The following PDE10A variants were observed in gnomAD, a reference collection of about 807,000 sequenced individuals.
PDE10A encodes the protein phosphodiesterase 10A, also known as cAMP and cAMP-inhibited cGMP 3',5'-cyclic phosphodiesterase 10A.
In PDE10A, 39 loss-of-function variants were observed where a neutral mutation model predicts 97.7. The ratio of observed to expected loss-of-function variants is 0.40; its 90% CI spans 0.31 to 0.52. The LOEUF is 0.52. Among genes scored for constraint, PDE10A ranks in the 20% least tolerant of loss-of-function variants. The pLI is 0.56. For synonymous variants in PDE10A, 371 were observed against 376.8 expected (o/e 0.98, Z 0.18); for missense variants, 731 against 1,047.8 (o/e 0.70, Z 4.17).
intron 7 of PDE10A, among the ~76,000 whole-genome samples, chr6:165,431,777 C>A (rs1789595497): frequency 6.6e-6 from 1 of 151,606 alleles, no homozygotes; most frequent in Non-Finnish European, 1.5e-5. Flanking sequence ...TTTATATTTT[C>A]CCCATCTATT....
At chr6:165,439,733 C>A (rs1179993013) in intron 5 of PDE10A, among the ~76,000 whole-genome samples, 1 of 152,054 alleles carries the variant, frequency 6.6e-6, no homozygotes, top group African/African-American at 2.4e-5. Flanking sequence ...ATTGGGCGCA[C>A]AAGTCATAAT....
At chr6:165,684,590 C>T (rs190038500) in intron 1 of PDE10A, among the ~76,000 whole-genome samples, 70 of 152,296 alleles carry the variant, frequency 4.6e-4, no homozygotes, top group Non-Finnish European at 6.9e-4. Flanking sequence ...ACACGGTGGC[C>T]GAGGCGCTGA....
intron 1 of PDE10A, among the ~76,000 whole-genome samples, chr6:165,628,222 T>TTCAATTCTTAA (rs1459878670): frequency 1.3e-5 from 2 of 152,238 alleles, no homozygotes; most frequent in Non-Finnish European, 2.9e-5. Context: ...TTTTCTTAAA[T>TTCAATTCTTAA]ATTCAATGGA....
At chr6:165,900,031 G>A (rs780098372) in intron 1 of PDE10A, among the ~76,000 whole-genome samples, 2 of 152,192 alleles carry the variant, frequency 1.3e-5, no homozygotes, top group Non-Finnish European at 2.9e-5. Context: ...ATGAGGCCAC[G>A]GGAGGCAAGC....
chr6:165,867,242 A>C (rs1781082293), intron 1 of PDE10A, among the ~76,000 whole-genome samples: 1 of 151,600 alleles, frequency 6.6e-6, no homozygotes, highest in Admixed American at 6.6e-5. Context: ...AAAAAAAAAA[A>C]AACCATGAGA....
At chr6:165,968,477 C>A (rs1784577255) in intron 1 of PDE10A, among the ~76,000 whole-genome samples, 1 of 152,112 alleles carries the variant, frequency 6.6e-6, no homozygotes, top group Non-Finnish European at 1.5e-5. Context: ...AGAAAATGGG[C>A]CAAACATTTT....
chr6:165,671,171 G>A lies in PDE10A; in HGVS notation c.-614-127603C>T, dbSNP rs1428346113. ...TTTTTAAGAATCAACAACAAATGATGCTTGCTACAAATTCCCAAAGTCTAC... is the reference window on the plus strand; with the variant it reads ...TTTTTAAGAATCAACAACAAATGATACTTGCTACAAATTCCCAAAGTCTAC... On this transcript the variant is annotated intron_variant, in intron 1 of 19. Transcript: ENST00000366882. The surrounding 1 kb of genome is among the most constrained non-coding windows in gnomAD (Gnocchi z 4.6). Among the ~76,000 whole-genome samples the A allele has an allele frequency of 6.6e-6, 1 of 151,590 alleles. No homozygotes were observed. The highest frequency in any genetic ancestry group is 1.9e-4 in the East Asian group (1 of 5,174).
At chr6:165,902,181 G>A (rs1017376588) in intron 1 of PDE10A, among the ~76,000 whole-genome samples, 5 of 152,116 alleles carry the variant, frequency 3.3e-5, no homozygotes, top group Admixed American at 1.3e-4. Context: ...TGGTCTTCTC[G>A]GAATCTTTGT....
At chr6:165,611,339 T>C (rs971077343) in intron 1 of PDE10A, among the ~76,000 whole-genome samples, 4 of 152,244 alleles carry the variant, frequency 2.6e-5, no homozygotes, top group African/African-American at 7.2e-5. Flanking sequence ...TGAAAACATG[T>C]CCTCCCCTGC....
chr6:165,666,627 G>A (rs1790503202), upstream of PDE10A, among the ~76,000 whole-genome samples: 1 of 152,010 alleles, frequency 6.6e-6, no homozygotes, highest in Non-Finnish European at 1.5e-5. Flanking sequence ...CAGCTTCCAG[G>A]CATTTATTCA....
At chr6:165,853,672 G>T (rs1780634638) in intron 1 of PDE10A, among the ~76,000 whole-genome samples, 1 of 152,142 alleles carries the variant, frequency 6.6e-6, no homozygotes, top group East Asian at 1.9e-4. Flanking sequence ...TTTAACAGGT[G>T]ATAGAACATA....
Position 165,663,050 on chromosome 6 carries a change from C to G in PDE10A, c.-239G>C, listed in dbSNP as rs1053110061. Among the ~76,000 whole-genome samples the G allele has an allele frequency of 2.0e-5, 3 of 151,312 alleles. No individual in the cohort carries two copies. The highest frequency in any genetic ancestry group is 2.1e-4 in the South Asian group (1 of 4,820). On this transcript the variant is annotated 5_prime_UTR_variant, in exon 1 of 22. Transcript: ENST00000539869. ...GCCCCGGCGACGGCGCCTGGCTACC[C>G]TCAGGCGCGCACAATCGGCGTCCTC...
intron 2 of PDE10A, among the ~76,000 whole-genome samples, chr6:165,501,722 A>G (rs866430302): frequency 6.6e-6 from 1 of 152,236 alleles, no homozygotes; most frequent in Non-Finnish European, 1.5e-5. Flanking sequence ...ATTGTTACCA[A>G]TTTTCCCCAA....
chr6:165,473,386 A>G (rs1186105149), intron 3 of PDE10A, among the ~76,000 whole-genome samples: 1 of 152,180 alleles, frequency 6.6e-6, no homozygotes, highest in Non-Finnish European at 1.5e-5. Context: ...ATGTAGCTCT[A>G]GACAAAGCTG....
chr6:165,744,352 T>A (rs1487215193), intron 1 of PDE10A, among the ~76,000 whole-genome samples: 2 of 152,180 alleles, frequency 1.3e-5, no homozygotes, highest in African/African-American at 4.8e-5. Flanking sequence ...TGTGCATAAT[T>A]TCCTTATTTT....
At chr6:165,369,915 G>T (rs2128199907) in intron 18 of PDE10A, among the ~76,000 whole-genome samples, 1 of 151,872 alleles carries the variant, frequency 6.6e-6, no homozygotes, top group Non-Finnish European at 1.5e-5. Context: ...GAGAGTGGGG[G>T]CCAATATTCA....
chr6:165,385,820 A>T (rs563056255), intron 17 of PDE10A, among the ~76,000 whole-genome samples: 2 of 152,330 alleles, frequency 1.3e-5, no homozygotes, highest in East Asian at 3.9e-4. Context: ...GCGTAGCTCA[A>T]ATTGAAGGGA....
At chr6:165,554,118 A>C (rs1447200011) in intron 1 of PDE10A, among the ~76,000 whole-genome samples, 1 of 152,210 alleles carries the variant, frequency 6.6e-6, no homozygotes, top group African/African-American at 2.4e-5. Flanking sequence ...TGTCTTGAGC[A>C]ATACCTCATA....
chr6:165,380,415 A>T (rs1235508297), intron 17 of PDE10A, among the ~76,000 whole-genome samples: 1 of 152,202 alleles, frequency 6.6e-6, no homozygotes, highest in Non-Finnish European at 1.5e-5. Context: ...GAAATTGTAC[A>T]TGCACCATTT....
Sources: gnomAD v4.1 joint callset for allele counts (sites outside exome capture counted in the v4.1 genomes callset) on GRCh38, gnomAD v4.1.1 for gene constraint, Gnocchi (gnomAD v3.1) non-coding constraint, MANE v1.5 for transcripts, NCBI Gene and HGNC (gene_info 2026-07-23, HGNC 2026-07-21) for gene names.